PTBP3: variants seen among roughly 807,000 people sequenced by gnomAD.
PTBP3 encodes the protein polypyrimidine tract-binding protein 3.
A neutral mutation model predicts 58.7 loss-of-function variants in PTBP3; 20 were observed. That is an observed-to-expected ratio of 0.34 (90% CI 0.24 to 0.50). The LOEUF is 0.50. Ranked by LOEUF, PTBP3 falls within the 20% of genes least tolerant of loss-of-function variation. The probability of loss-of-function intolerance (pLI) is 0.98; values close to 1 mark genes in which losing one functional copy is unlikely to be tolerated. For missense variants in PTBP3, 509 were observed against 637.2 expected (o/e 0.80, Z 2.17); for synonymous variants, 185 against 219.8 (o/e 0.84, Z 1.40).
intron 1 of PTBP3, among the ~76,000 whole-genome samples, chr9:112,307,754 G>T (rs1829284676): frequency 6.6e-6 from 1 of 152,120 alleles, no homozygotes; most frequent in Non-Finnish European, 1.5e-5. Context: ...ATATTATGAA[G>T]GCTAAATCCC....
intron 7 of PTBP3, among the ~76,000 whole-genome samples, chr9:112,245,752 G>A (rs1050875646): frequency 1.2e-4 from 18 of 152,118 alleles, no homozygotes; most frequent in African/African-American, 4.3e-4. Flanking sequence ...CAATTATGAG[G>A]GTGGCATGTC....
chr9:112,268,309 T>TA lies in PTBP3; in HGVS notation c.205-115_205-114insT, dbSNP rs567373581. 840 of 1,072,324 alleles carry TA rather than the reference T, an allele frequency of 7.8e-4. 6 individuals carry two copies. The African/African-American group carries it at 0.012, about 16-fold the overall frequency. 66.4% of individuals were successfully genotyped at this position (1,072,324 alleles called of 1,614,324 possible). ...CATGCACTCTCAAGTAAAATGACAT[T>TA]TCCCCCAAGGGGAGGGAAAAACAAA... On this transcript the variant is annotated intron_variant, in intron 3 of 13. Transcript: ENST00000374257.
the PTBP3 span, among the ~76,000 whole-genome samples, chr9:112,371,804 G>A: frequency 6.6e-6 from 1 of 151,894 alleles, no homozygotes; most frequent in Non-Finnish European, 1.5e-5. Flanking sequence ...CATGATCATG[G>A]CCCACTGCAG....
the PTBP3 span, among the ~76,000 whole-genome samples, chr9:112,359,059 C>T: frequency 1.7e-4 from 26 of 152,228 alleles, no homozygotes; most frequent in African/African-American, 4.6e-4. Flanking sequence ...TGGTCTCAAA[C>T]GCCAGGACTC....
the PTBP3 span, among the ~76,000 whole-genome samples, chr9:112,378,247 G>C: frequency 0.011 from 1,706 of 152,296 alleles, 36 homozygotes; most frequent in African/African-American, 0.039. Context: ...ATTTAAACTT[G>C]CTTGGTAAAA....
chr9:112,304,947 T>C (rs116567534), intron 1 of PTBP3, among the ~76,000 whole-genome samples: 1,655 of 152,258 alleles, frequency 0.011, 31 homozygotes, highest in African/African-American at 0.038. Flanking sequence ...TTTTTCAGGA[T>C]AAATATTCAG....
rs1366601003 is a variant in PTBP3 at position 112,236,432 on chromosome 9, TA to T, written c.803-1536del. Reference sequence around the variant, plus strand: ...TTACACACAAGCAAGCTCAAGATCATAGGTAAAATGATTCATTTTTACAACA... The same window carrying T: ...TTACACACAAGCAAGCTCAAGATCATGGTAAAATGATTCATTTTTACAACA... On this transcript the variant is annotated intron_variant, in intron 7 of 13. Transcript: ENST00000374257. 1.5e-4 allele frequency among the ~76,000 whole-genome samples: 23 copies of T among 152,222 alleles called. No homozygotes were observed. The East Asian group carries it at 4.4e-3, about 29-fold the overall frequency.
chr9:112,303,421 G>A (rs1054074985), intron 1 of PTBP3, among the ~76,000 whole-genome samples: 1 of 152,116 alleles, frequency 6.6e-6, no homozygotes, highest in Non-Finnish European at 1.5e-5. Context: ...TGTCAAATAT[G>A]TACACAAAGT....
At position 112,231,967 on chromosome 9, in the gene PTBP3, GAGAGA is replaced by G. The variant is rs1371273763; in HGVS notation, c.1020+127_1020+131del. On this transcript the variant is annotated intron_variant, in intron 9 of 13. Coordinates refer to ENST00000374257, the MANE Select transcript of PTBP3 (RefSeq NM_001163788.4). The stretch of plus-strand genomic sequence containing the variant: ...GAGAAGAGAAGAGAAGAGAAGAGAA[GAGAGA>G]AGAGAAGAGAAGAGAAGAGAAGAGA... 687 of 185,178 alleles carry G rather than the reference GAGAGA, an allele frequency of 3.7e-3. 6 individuals carry two copies. Among genetic ancestry groups the G allele is most frequent in the East Asian group, 8.5e-3 (78 of 9,128 alleles). 11.5% of individuals were successfully genotyped at this position (185,178 alleles called of 1,614,324 possible).
chr9:112,283,031 C>T (rs1827945344), intron 2 of PTBP3, among the ~76,000 whole-genome samples: 2 of 152,192 alleles, frequency 1.3e-5, no homozygotes, highest in South Asian at 4.1e-4. Context: ...GTGAGACTTG[C>T]CTGCTTCCCC....
At chr9:112,374,908 T>G in the PTBP3 span, among the ~76,000 whole-genome samples, 1 of 152,204 alleles carries the variant, frequency 6.6e-6, no homozygotes, top group Admixed American at 6.5e-5. Context: ...CTTATCACCA[T>G]GAGGAACTGT....
chr9:112,349,827 G>GCGCAATTGT, the PTBP3 span, among the ~76,000 whole-genome samples: 1 of 121,272 alleles, frequency 8.2e-6, no homozygotes, highest in Admixed American at 1.1e-4. Context: ...TTGCGCCACT[G>GCGCAATTGT]CACTCCAGCC....
chr9:112,376,252 G>GTTTTTTT, the PTBP3 span, among the ~76,000 whole-genome samples: 5 of 75,006 alleles, frequency 6.7e-5, 1 homozygote, highest in East Asian at 1.7e-3. Flanking sequence ...AGTTTATTAA[G>GTTTTTTT]TTTTTTTTTT....
intron 1 of PTBP3, among the ~76,000 whole-genome samples, chr9:112,327,669 T>C (rs1830213062): frequency 5.9e-5 from 9 of 152,054 alleles, no homozygotes; most frequent in Admixed American, 5.9e-4. Context: ...ACAAATAACA[T>C]CCAAGGTATA....
chr9:112,313,440 C>T (rs1190335949), intron 1 of PTBP3, among the ~76,000 whole-genome samples: 1 of 152,158 alleles, frequency 6.6e-6, no homozygotes, highest in Non-Finnish European at 1.5e-5. Flanking sequence ...TATTGTTTAT[C>T]CATGCCTGGA....
intron 3 of PTBP3, among the ~76,000 whole-genome samples, chr9:112,271,220 T>C (rs1827372287): frequency 6.6e-6 from 1 of 152,334 alleles, no homozygotes; most frequent in East Asian, 1.9e-4. Context: ...GAGTATCCCT[T>C]ATCCAAAATG....
intron 7 of PTBP3, among the ~76,000 whole-genome samples, chr9:112,244,011 C>T (rs948330792): frequency 6.6e-6 from 1 of 151,832 alleles, no homozygotes; most frequent in Non-Finnish European, 1.5e-5. Context: ...GTAAGAAGTT[C>T]TCAGGAATAG....
chr9:112,231,911 A>AG (rs1387161687), intron 9 of PTBP3, among the ~76,000 whole-genome samples, 188 bp downstream of exon 9: 12 of 125,640 alleles, frequency 9.6e-5, no homozygotes, highest in East Asian at 2.2e-4. Context: ...TCTGAAAAGA[A>AG]AAGAAGAGAA....
chr9:112,239,819 G>GGA (rs1564397572), intron 7 of PTBP3, among the ~76,000 whole-genome samples: 14 of 108,174 alleles, frequency 1.3e-4, no homozygotes, highest in South Asian at 3.6e-4. Context: ...GGAAGGAAGG[G>GGA]AGGAAGGGAG....
Sources: gnomAD v4.1 joint callset for allele counts (sites outside exome capture counted in the v4.1 genomes callset) on GRCh38, gnomAD v4.1.1 for gene constraint, MANE v1.5 for transcripts, NCBI Gene and HGNC (gene_info 2026-07-23, HGNC 2026-07-21) for gene names.